Variants in GNA14 observed in about 807,000 individuals in gnomAD.
The protein encoded by GNA14 is G protein subunit alpha 14.
A neutral mutation model predicts 42.0 loss-of-function variants in GNA14; 50 were observed. The observed-to-expected ratio is 1.19, with a 90% confidence interval of 0.95 to 1.51. The LOEUF (loss-of-function observed/expected upper bound fraction) is 1.51. Ranked by LOEUF, GNA14 falls within the 40% of genes most tolerant of loss-of-function variation. The pLI is 0.00. For missense variants in GNA14, 473 were observed against 446.2 expected, an observed-to-expected ratio of 1.06 and a Z score of -0.54; for synonymous variants, 173 against 163.1, an observed-to-expected ratio of 1.06 and a Z score of -0.46.
chr9:77,570,079 T>C (rs1823038411), intron 1 of GNA14, among the ~76,000 whole-genome samples: 1 of 152,176 alleles, frequency 6.6e-6, no homozygotes, highest in African/African-American at 2.4e-5. Context: ...GAAGCGAAAA[T>C]GTCCACACAT....
intron 2 of GNA14, among the ~76,000 whole-genome samples, chr9:77,450,090 C>G (rs746383202): frequency 1.1e-4 from 16 of 152,180 alleles, no homozygotes; most frequent in Non-Finnish European, 2.2e-4. Flanking sequence ...GGGCATTTGT[C>G]CCAGGGCTGC....
intron 2 of GNA14, among the ~76,000 whole-genome samples, chr9:77,522,881 C>T (rs573116371): frequency 6.6e-6 from 1 of 152,322 alleles, no homozygotes; most frequent in Non-Finnish European, 1.5e-5. Context: ...TAAAGGCATC[C>T]ACTTACCCAA....
At chr9:77,646,926 G>A (rs901814697) in intron 1 of GNA14, among the ~76,000 whole-genome samples, 1 of 152,212 alleles carries the variant, frequency 6.6e-6, no homozygotes, top group Non-Finnish European at 1.5e-5. Context: ...ACCTGCCAGA[G>A]GCACCAGGGC....
chr9:77,437,880 G>A (rs1835665021), intron 2 of GNA14, among the ~76,000 whole-genome samples: 1 of 152,288 alleles, frequency 6.6e-6, no homozygotes, highest in Non-Finnish European at 1.5e-5. Flanking sequence ...TGAACTTCAG[G>A]GGCAGTTGTT....
intron 2 of GNA14, among the ~76,000 whole-genome samples, chr9:77,465,334 G>A (rs1836203495): frequency 6.6e-6 from 1 of 152,218 alleles, no homozygotes; most frequent in Non-Finnish European, 1.5e-5. Flanking sequence ...CCTCCCTGCT[G>A]TAGGGCATGT....
chr9:77,504,660 CTTTTTTTTTTTTT>C (rs34631344), intron 2 of GNA14, among the ~76,000 whole-genome samples: 1 of 76,202 alleles, frequency 1.3e-5, no homozygotes, highest in Non-Finnish European at 2.4e-5. Context: ...GTCTGGCCGA[CTTTTTTTTTTTTT>C]TTTTTTTTTT....
At chr9:77,519,109 A>C (rs1316937503) in intron 2 of GNA14, among the ~76,000 whole-genome samples, 1 of 152,166 alleles carries the variant, frequency 6.6e-6, no homozygotes, top group African/African-American at 2.4e-5. Flanking sequence ...AGGCAGGTTT[A>C]CTGATAAAAC....
intron 2 of GNA14, among the ~76,000 whole-genome samples, chr9:77,450,377 T>C (rs1465570538): frequency 6.6e-6 from 1 of 152,148 alleles, no homozygotes; most frequent in Non-Finnish European, 1.5e-5. Context: ...CTCATCTTCA[T>C]CCATCTCCCT....
At chr9:77,585,470 G>T (rs1487183871) in intron 1 of GNA14, among the ~76,000 whole-genome samples, 1 of 152,148 alleles carries the variant, frequency 6.6e-6, no homozygotes, top group Non-Finnish European at 1.5e-5. Context: ...ACTTAAAGCT[G>T]CATAACAAAC....
intron 2 of GNA14, among the ~76,000 whole-genome samples, chr9:77,489,086 TAAAG>T (rs1456279606): frequency 1.3e-5 from 2 of 151,858 alleles, no homozygotes; most frequent in African/African-American, 2.4e-5. Context: ...ATTAAAATAA[TAAAG>T]AATCAATCAA....
intron 1 of GNA14, among the ~76,000 whole-genome samples, chr9:77,553,937 T>C (rs1396053341): frequency 1.3e-5 from 2 of 152,194 alleles, no homozygotes; most frequent in African/African-American, 4.8e-5. Context: ...AATGGAAATA[T>C]ATGGCTGAGA....
chr9:77,441,513 T>G (rs1180009849), intron 2 of GNA14, among the ~76,000 whole-genome samples: 1 of 152,212 alleles, frequency 6.6e-6, no homozygotes, highest in Non-Finnish European at 1.5e-5. Context: ...ACTAATACAC[T>G]TATTATAGAT....
At chr9:77,640,093 G>A (rs1824234930) in intron 1 of GNA14, among the ~76,000 whole-genome samples, 1 of 152,226 alleles carries the variant, frequency 6.6e-6, no homozygotes, top group Admixed American at 6.5e-5. Context: ...GCACCCTGAT[G>A]CCACAACCTG....
intron 1 of GNA14, among the ~76,000 whole-genome samples, chr9:77,571,107 G>C (rs1384002127): frequency 6.6e-6 from 1 of 151,154 alleles, no homozygotes; most frequent in Non-Finnish European, 1.5e-5. Flanking sequence ...CATGGTGCTA[G>C]TAGTAGCATT....
chr9:77,425,373 C>T (rs1835437192), intron 6 of GNA14, among the ~76,000 whole-genome samples, 189 bp downstream of exon 6: 1 of 152,030 alleles, frequency 6.6e-6, no homozygotes, highest in Admixed American at 6.5e-5. Context: ...GAGGGAAGCA[C>T]ATGTGGAGGT....
intron 1 of GNA14, among the ~76,000 whole-genome samples, chr9:77,600,135 C>T (rs1165458823): frequency 6.6e-6 from 1 of 152,056 alleles, no homozygotes; most frequent in African/African-American, 2.4e-5. Flanking sequence ...CATGAATGTC[C>T]TTGTTTGAGG....
At chr9:77,465,426 T>C (rs1225076031) in intron 2 of GNA14, among the ~76,000 whole-genome samples, 1 of 152,208 alleles carries the variant, frequency 6.6e-6, no homozygotes, top group Admixed American at 6.5e-5. Flanking sequence ...GTTGAGGCCA[T>C]TTGGACTTTT....
At chr9:77,497,547 T>A (rs1166243069) in intron 2 of GNA14, among the ~76,000 whole-genome samples, 1 of 152,188 alleles carries the variant, frequency 6.6e-6, no homozygotes, top group Non-Finnish European at 1.5e-5. Context: ...AGCTGACCAC[T>A]ATTGGCGCAT....
At chr9:77,529,979 A>C (rs1366741083) in intron 1 of GNA14, among the ~76,000 whole-genome samples, 1 of 152,244 alleles carries the variant, frequency 6.6e-6, no homozygotes, top group Non-Finnish European at 1.5e-5. Flanking sequence ...AACAATTAAA[A>C]TATTTGCTAA....
Sources: allele counts gnomAD v4.1 joint callset (sites outside exome capture counted in the v4.1 genomes callset), GRCh38; gene constraint gnomAD v4.1.1; transcripts MANE v1.5; gene names NCBI Gene and HGNC (gene_info 2026-07-23, HGNC 2026-07-21).